CACNA1C: variants seen among roughly 807,000 people sequenced by gnomAD.
The protein encoded by CACNA1C is voltage-dependent L-type calcium channel subunit alpha-1C.
CACNA1C carries 30 observed loss-of-function variants against 229.0 expected under a neutral mutation model. The observed-to-expected ratio is 0.13, with a 90% CI of 0.10 to 0.18. The LOEUF (loss-of-function observed/expected upper bound fraction) is 0.18, where lower values mean the gene tolerates loss of function less well. Ranked by LOEUF, CACNA1C falls within the 10% of genes least tolerant of loss-of-function variation. The pLI is 1.00. For synonymous variants in CACNA1C, 1,114 were observed against 1,132.5 expected (o/e 0.98, Z 0.33); for missense variants, 1,658 against 2,845.0 (o/e 0.58, Z 9.49).
Position 2,581,599 on chromosome 12 carries a change from C to T in CACNA1C, c.1905C>T (p.Asn635=), listed in dbSNP as rs768640848. ...LRIFKITRYW[N]SLSNLVASLL... is the part of the protein sequence containing the mutation. ...TCCTGTTGGCTCTCAGGTACTGGAA[C>T]TCCTTGAGCAACCTGGTGGCATCCT... Residue 635 remains asparagine, a synonymous_variant, in exon 14 of 47, where the codon AAC becomes AAT. Transcript: ENST00000399655. 12 of 1,560,546 alleles carry T rather than the reference C, an allele frequency of 7.7e-6. No individual in the cohort carries two copies.
chr12:2,223,355 T>C (rs758252373), intron 3 of CACNA1C: 5 of 152,218 alleles, frequency 3.3e-5, no homozygotes, highest in Non-Finnish European at 7.3e-5. Flanking sequence ...GTAGAAAATA[T>C]AGCACATACC....
chr12:2,414,571 G>A (rs1359142267), intron 3 of CACNA1C, among the ~76,000 whole-genome samples: 6 of 152,154 alleles, frequency 3.9e-5, no homozygotes, highest in African/African-American at 7.2e-5. Flanking sequence ...GAAGGGCAGC[G>A]TCCTTTGAGA....
At chr12:2,412,389 T>C (rs2098817908) in intron 3 of CACNA1C, among the ~76,000 whole-genome samples, 1 of 152,272 alleles carries the variant, frequency 6.6e-6, no homozygotes. Flanking sequence ...CCCTGGATCT[T>C]TTGAGATCAT....
chr12:2,687,147 T>C (rs912345538), intron 45 of CACNA1C, among the ~76,000 whole-genome samples: 1 of 152,192 alleles, frequency 6.6e-6, no homozygotes, highest in Admixed American at 6.5e-5. Flanking sequence ...TCTGAAATAA[T>C]GAATATGGCC....
chr12:2,166,492 T>A (rs1483464439), intron 3 of CACNA1C, among the ~76,000 whole-genome samples: 1 of 152,122 alleles, frequency 6.6e-6, no homozygotes, highest in Non-Finnish European at 1.5e-5. Context: ...ACCTAAGGAG[T>A]GTCAGCAATG....
At chr12:2,165,005 T>C (rs2096137337) in intron 3 of CACNA1C, among the ~76,000 whole-genome samples, 1 of 152,260 alleles carries the variant, frequency 6.6e-6, no homozygotes, top group Non-Finnish European at 1.5e-5. Context: ...TTTATCATTT[T>C]CATAAGCAGT....
At chr12:1,991,250 C>A in intron 1 of CACNA1C, 1 of 455,404 alleles carries the variant, frequency 2.2e-6, no homozygotes, top group Non-Finnish European at 4.4e-6. Flanking sequence ...TCCTCATCTG[C>A]AAAATGGCAA....
At chr12:2,211,788 G>A (rs1252050626) in intron 3 of CACNA1C, among the ~76,000 whole-genome samples, 4 of 147,572 alleles carry the variant, frequency 2.7e-5, no homozygotes, top group Non-Finnish European at 5.9e-5. Context: ...GCATGGTCTC[G>A]GCTCACTGCA....
intron 27 of CACNA1C, 37 bp from the exon 28 acceptor site, chr12:2,610,504 C>T (rs944019390): frequency 3.3e-5 from 52 of 1,588,092 alleles, no homozygotes; most frequent in Non-Finnish European, 4.0e-5. Flanking sequence ...CTCCAGTTAA[C>T]TAACCCCACT....
At chr12:1,984,780 A>T (rs1390101598) in intron 1 of CACNA1C, among the ~76,000 whole-genome samples, 3 of 141,582 alleles carry the variant, frequency 2.1e-5, no homozygotes, top group Admixed American at 7.1e-5. Flanking sequence ...TCTTCTGGTA[A>T]AAAAAAAAAA....
At chr12:2,101,482 C>T (rs1013733522) in intron 1 of CACNA1C, among the ~76,000 whole-genome samples, 5 of 149,932 alleles carry the variant, frequency 3.3e-5, no homozygotes, top group Admixed American at 6.6e-5. Context: ...ACAGCTCCAT[C>T]GTCGTCCTCA....
chr12:2,355,284 C>T (rs2097328230), intron 3 of CACNA1C, among the ~76,000 whole-genome samples: 2 of 152,170 alleles, frequency 1.3e-5, no homozygotes, highest in South Asian at 4.1e-4. Flanking sequence ...GGCTGCATGG[C>T]CACATCAGTT....
Position 2,408,494 on chromosome 12 carries a change from C to CTT in CACNA1C, c.478-40469_478-40468dup, listed in dbSNP as rs61026675. On this transcript the variant is annotated intron_variant, in intron 3 of 46. Transcript: ENST00000399655. Reference sequence around the variant, plus strand: ...TAACGAGAGGAGGCTCTAATTGGGGCTTTTTTTTTTTTTTGGTCTGTACCT... The same window carrying CTT: ...TAACGAGAGGAGGCTCTAATTGGGGCTTTTTTTTTTTTTTTTGGTCTGTACCT... Among the ~76,000 whole-genome samples, 361 of 137,674 alleles carry CTT rather than the reference C, an allele frequency of 2.6e-3. 4 individuals carry two copies. Among genetic ancestry groups the CTT allele is most frequent in the African/African-American group, 8.8e-3 (331 of 37,660 alleles). 90.3% of individuals were successfully genotyped at this position (137,674 alleles called of 152,430 possible).
intron 29 of CACNA1C, among the ~76,000 whole-genome samples, chr12:2,615,968 G>A (rs533120689): frequency 4.6e-5 from 7 of 152,304 alleles, no homozygotes; most frequent in East Asian, 3.9e-4. Flanking sequence ...CACCTGGGCC[G>A]CAGAGGGGTG....
intron 3 of CACNA1C, among the ~76,000 whole-genome samples, chr12:2,137,039 G>C (rs2154185078): frequency 6.6e-6 from 1 of 151,558 alleles, no homozygotes; most frequent in East Asian, 1.9e-4. Flanking sequence ...AGGGCTCAGA[G>C]CATAACATGT....
rs531616456 is a variant in CACNA1C, at chr12:2,633,454, C to T, written c.3829-843C>T. Among the ~76,000 whole-genome samples, 19 of 152,136 alleles carry T rather than the reference C, an allele frequency of 1.2e-4. No individual in the cohort carries two copies. The highest frequency in any genetic ancestry group is 1.3e-4 in the Admixed American group (2 of 15,284). On this transcript the variant is annotated intron_variant, in intron 29 of 46. Coordinates refer to ENST00000399655, the MANE Select transcript of CACNA1C (RefSeq NM_000719.7). This position sits in a 1 kb window ranked among gnomAD's most constrained non-coding sequence, Gnocchi z 5.8. ...GGGCAGTAGGGTTAGAGTGTCGCCT[C>T]CCTGCTGCTCCTTCCTTGCTGGTGC...
intron 3 of CACNA1C, among the ~76,000 whole-genome samples, chr12:2,262,341 A>G (rs751429299): frequency 6.6e-6 from 1 of 152,228 alleles, no homozygotes; most frequent in Admixed American, 6.5e-5. Context: ...TGGAAAGCCT[A>G]TTCACTTAGC....
chr12:2,266,827 G>A (rs2082565863), intron 3 of CACNA1C, among the ~76,000 whole-genome samples: 1 of 152,196 alleles, frequency 6.6e-6, no homozygotes, highest in Non-Finnish European at 1.5e-5. Context: ...GCCTGGGTGT[G>A]AATTCCAGTG....
At chr12:2,089,082 T>C (rs2068991787) in intron 1 of CACNA1C, among the ~76,000 whole-genome samples, 1 of 152,200 alleles carries the variant, frequency 6.6e-6, no homozygotes, top group Non-Finnish European at 1.5e-5. Flanking sequence ...TGATTCATTC[T>C]GCTTTTACTG....
Sources: allele counts gnomAD v4.1 joint callset (sites outside exome capture counted in the v4.1 genomes callset), GRCh38; gene constraint gnomAD v4.1.1; non-coding constraint Gnocchi (gnomAD v3.1); transcripts MANE v1.5; gene names NCBI Gene and HGNC (gene_info 2026-07-23, HGNC 2026-07-21).